Variants in VWC2L observed in about 807,000 individuals in gnomAD.
The protein encoded by VWC2L is von Willebrand factor C domain-containing protein 2-like.
Under a neutral mutation model 21.6 loss-of-function variants are expected in VWC2L, and 10 were observed. The ratio of observed to expected loss-of-function variants is 0.46; its 90% CI spans 0.29 to 0.78. The LOEUF (loss-of-function observed/expected upper bound fraction) is 0.78, where lower values mean the gene tolerates loss of function less well. Ranked by LOEUF, VWC2L falls within the 30% of genes least tolerant of loss-of-function variation. The pLI, the probability that VWC2L is intolerant of heterozygous loss-of-function variation, is 0.10. For missense variants in VWC2L, 209 were observed against 277.1 expected, an observed-to-expected ratio of 0.75 and a Z score of 1.74; for synonymous variants, 96 against 94.3, an observed-to-expected ratio of 1.02 and a Z score of -0.10.
At chr2:214,436,884 G>A (rs974790305) in intron 3 of VWC2L, 126 bp downstream of exon 3, 52 of 1,092,664 alleles carry the variant, frequency 4.8e-5, no homozygotes, top group Middle Eastern at 2.5e-4. Context: ...TGGGCATGGC[G>A]GATGTATATT....
At chr2:214,490,586 T>C (rs757244122) in intron 3 of VWC2L, among the ~76,000 whole-genome samples, 4 of 151,990 alleles carry the variant, frequency 2.6e-5, no homozygotes, top group Non-Finnish European at 5.9e-5. Context: ...TCAAAGTGAT[T>C]AGAGTGAGTA....
At chr2:214,520,887 T>A (rs1689227306) in intron 3 of VWC2L, among the ~76,000 whole-genome samples, 1 of 152,128 alleles carries the variant, frequency 6.6e-6, no homozygotes, top group African/African-American at 2.4e-5. Flanking sequence ...TGCTTTTTTA[T>A]ATATCATTAA....
At chr2:214,514,555 T>G (rs1055211571) in intron 3 of VWC2L, among the ~76,000 whole-genome samples, 1 of 152,146 alleles carries the variant, frequency 6.6e-6, no homozygotes, top group Non-Finnish European at 1.5e-5. Flanking sequence ...CATATTCAGT[T>G]GCGAAGGGGC....
chr2:214,529,887 A>T (rs776169582), intron 3 of VWC2L, among the ~76,000 whole-genome samples: 2 of 152,146 alleles, frequency 1.3e-5, no homozygotes, highest in Non-Finnish European at 2.9e-5. Context: ...TTCATTCCTC[A>T]TCTTTTCTCA....
chr2:214,458,065 A>G (rs973392823), intron 3 of VWC2L, among the ~76,000 whole-genome samples: 4 of 151,812 alleles, frequency 2.6e-5, no homozygotes, highest in Non-Finnish European at 5.9e-5. Context: ...TGGCAGTAAA[A>G]CCATCAAGTC....
At chr2:214,549,758 C>T (rs894182962) in intron 3 of VWC2L, among the ~76,000 whole-genome samples, 3 of 152,178 alleles carry the variant, frequency 2.0e-5, no homozygotes, top group South Asian at 2.1e-4. Flanking sequence ...GGCAACAGAG[C>T]GAGACTCCGT....
In VWC2L at chr2:214,567,452, A is replaced by G. The variant is rs577074909; in HGVS notation, c.521-8220A>G. ...TCTTGCTTTGCAGTTTAGAGAAGAG[A>G]TTGAATAGAGCTACTCGAGAGGCTG... On this transcript the variant is annotated intron_variant, in intron 3 of 3. Coordinates refer to ENST00000312504, the MANE Select transcript of VWC2L (RefSeq NM_001080500.4). Among the ~76,000 whole-genome samples the G allele has an allele frequency of 3.9e-5, 6 of 152,072 alleles. No individual in the cohort carries two copies. In the East Asian group the frequency reaches 9.7e-4, roughly 25 times the overall value.
intron 3 of VWC2L, among the ~76,000 whole-genome samples, chr2:214,527,374 A>G (rs1466342664): frequency 2.0e-5 from 3 of 152,158 alleles, no homozygotes; most frequent in African/African-American, 7.2e-5. Flanking sequence ...AATCCTGCAC[A>G]TGTACCCCCA....
intron 3 of VWC2L, among the ~76,000 whole-genome samples, chr2:214,515,839 G>T (rs184922821): frequency 6.6e-6 from 1 of 152,164 alleles, no homozygotes; most frequent in Admixed American, 6.5e-5. Flanking sequence ...ACAGGCCAGC[G>T]TGTACAGGGA....
intron 2 of VWC2L, among the ~76,000 whole-genome samples, chr2:214,418,136 CCT>C (rs1295085723): frequency 6.6e-6 from 1 of 152,126 alleles, no homozygotes; most frequent in East Asian, 1.9e-4. Flanking sequence ...ACTGGAAACC[CCT>C]CTCTGTCTGT....
At chr2:214,428,580 T>A (rs1702557884) in intron 2 of VWC2L, among the ~76,000 whole-genome samples, 1 of 152,184 alleles carries the variant, frequency 6.6e-6, no homozygotes, top group Non-Finnish European at 1.5e-5. Flanking sequence ...TCTCAATATA[T>A]TTTTGTGGAA....
intron 3 of VWC2L, among the ~76,000 whole-genome samples, chr2:214,469,642 ACT>A (rs967465587): frequency 1.4e-4 from 21 of 152,184 alleles, no homozygotes; most frequent in African/African-American, 5.1e-4. Flanking sequence ...ATTAAAAGAA[ACT>A]CTGTACAGCA....
chr2:214,496,907 C>G (rs535047145), intron 3 of VWC2L, among the ~76,000 whole-genome samples: 1 of 152,284 alleles, frequency 6.6e-6, no homozygotes, highest in East Asian at 1.9e-4. Context: ...CATGGTCCTT[C>G]ATATGTGCAT....
At chr2:214,550,273 G>A (rs1170719170) in intron 3 of VWC2L, among the ~76,000 whole-genome samples, 2 of 152,136 alleles carry the variant, frequency 1.3e-5, no homozygotes, top group African/African-American at 2.4e-5. Flanking sequence ...CCATACAACA[G>A]ACTCGGCCAT....
intron 3 of VWC2L, among the ~76,000 whole-genome samples, chr2:214,564,507 C>T (rs181301169): frequency 2.2e-4 from 33 of 151,948 alleles, no homozygotes; most frequent in Admixed American, 1.5e-3. Context: ...TCAGGTTAGA[C>T]GGGCCACATT....
At chr2:214,522,374 CAAAAAAAAA>C (rs5838440) in intron 3 of VWC2L, among the ~76,000 whole-genome samples, 2 of 102,972 alleles carry the variant, frequency 1.9e-5, no homozygotes, top group Non-Finnish European at 3.7e-5. Flanking sequence ...GACCCCGTCT[CAAAAAAAAA>C]AAAAAAAAAA....
At chr2:214,545,738 G>C (rs1048008387) in intron 3 of VWC2L, among the ~76,000 whole-genome samples, 12 of 152,084 alleles carry the variant, frequency 7.9e-5, no homozygotes, top group African/African-American at 2.9e-4. Flanking sequence ...ACTTATTGGG[G>C]AAATCAAGAA....
intron 2 of VWC2L, among the ~76,000 whole-genome samples, chr2:214,429,192 T>A (rs1350502137): frequency 6.6e-6 from 1 of 152,212 alleles, no homozygotes; most frequent in African/African-American, 2.4e-5. Context: ...AGTTTTGAAG[T>A]TACACAGTTG....
At chr2:214,511,878 T>A (rs1689060803) in intron 3 of VWC2L, among the ~76,000 whole-genome samples, 1 of 114,972 alleles carries the variant, frequency 8.7e-6, no homozygotes, top group African/African-American at 2.8e-5. Flanking sequence ...ATACTTTATA[T>A]ATATACTTTA....
Sources: allele counts gnomAD v4.1 joint callset (sites outside exome capture counted in the v4.1 genomes callset), GRCh38; gene constraint gnomAD v4.1.1; transcripts MANE v1.5; gene names NCBI Gene and HGNC (gene_info 2026-07-23, HGNC 2026-07-21).